The following PDE8B variants were observed in gnomAD, a reference collection of about 807,000 sequenced individuals.
PDE8B encodes the protein phosphodiesterase 8B.
In PDE8B, 26 loss-of-function variants were observed where a neutral mutation model predicts 101.3. The ratio of observed to expected loss-of-function variants is 0.26; its 90% CI spans 0.19 to 0.36. The LOEUF is 0.36. Ranked by LOEUF, PDE8B falls within the 10% of genes least tolerant of loss-of-function variation. The probability of loss-of-function intolerance (pLI) is 1.00; values close to 1 mark genes in which losing one functional copy is unlikely to be tolerated. For missense variants in PDE8B, 810 were observed against 1,163.1 expected (o/e 0.70, Z 4.42); for synonymous variants, 424 against 429.3 (o/e 0.99, Z 0.15).
chr5:77,215,598 C>T (rs753216178), intron 1 of PDE8B, among the ~76,000 whole-genome samples: 11 of 152,204 alleles, frequency 7.2e-5, no homozygotes, highest in Non-Finnish European at 1.3e-4. Context: ...AAGCTGCCAG[C>T]TGTTCAGAGA....
At chr5:77,348,294 A>G (rs1157877869) in intron 7 of PDE8B, among the ~76,000 whole-genome samples, 1 of 152,144 alleles carries the variant, frequency 6.6e-6, no homozygotes, top group Non-Finnish European at 1.5e-5. Flanking sequence ...CATTTTCCCG[A>G]CATTCTTCAC....
At chr5:77,158,336 G>A in the PDE8B span, among the ~76,000 whole-genome samples, 2 of 152,284 alleles carry the variant, frequency 1.3e-5, no homozygotes, top group East Asian at 1.9e-4. Context: ...GCAGAATGTC[G>A]ACTGCCAGTA....
chr5:77,117,586 G>C, the PDE8B span, among the ~76,000 whole-genome samples: 5 of 152,280 alleles, frequency 3.3e-5, no homozygotes, highest in South Asian at 6.2e-4. Context: ...AATCTTTTGT[G>C]TGTTGGCAGG....
intron 10 of PDE8B, among the ~76,000 whole-genome samples, chr5:77,366,588 C>A (rs1264795723): frequency 6.6e-6 from 1 of 152,114 alleles, no homozygotes; most frequent in African/African-American, 2.4e-5. Context: ...GCCTAAGAAC[C>A]TTGGCGCCTA....
rs745565949 is a variant in PDE8B at position 77,211,189 on chromosome 5, C to T, written c.264C>T (p.Thr88=). The T allele has an allele frequency of 1.9e-6, 3 of 1,555,032 alleles. No homozygotes were observed. The South Asian group carries it at 3.5e-5, about 18-fold the overall frequency. ...SSAGSAAPAA[T]TSRGRRRHCC... is the part of the protein sequence containing the mutation. ...CGGGTTCCGCAGCCCCCGCCGCGAC[C>T]ACCAGCAGGGGCCGGAGGCGCCACT... is the stretch of plus-strand genomic sequence containing the variant. The change falls in exon 1 of 22, where the codon ACC becomes ACT. Residue 88 remains threonine, a synonymous_variant. Transcript: ENST00000264917. The surrounding 1 kb of genome is among the most constrained non-coding windows in gnomAD (Gnocchi z 4.1).
intron 8 of PDE8B, among the ~76,000 whole-genome samples, chr5:77,350,120 C>A (rs1009090926): frequency 3.9e-5 from 6 of 152,182 alleles, no homozygotes; most frequent in African/African-American, 1.4e-4. Flanking sequence ...AGAGCACTGC[C>A]TCTCATCGCT....
At chr5:77,111,691 G>C in the PDE8B span, among the ~76,000 whole-genome samples, 1 of 152,200 alleles carries the variant, frequency 6.6e-6, no homozygotes, top group Non-Finnish European at 1.5e-5. Context: ...CCTGTTTTTA[G>C]ATGATGATTG....
At chr5:77,219,319 A>T (rs754628654) in intron 1 of PDE8B, among the ~76,000 whole-genome samples, 1 of 152,152 alleles carries the variant, frequency 6.6e-6, no homozygotes, top group African/African-American at 2.4e-5. Flanking sequence ...GTTTTCTCTC[A>T]AATAGGAAGA....
At chr5:77,091,330 A>G in the PDE8B span, among the ~76,000 whole-genome samples, 1 of 152,238 alleles carries the variant, frequency 6.6e-6, no homozygotes, top group Non-Finnish European at 1.5e-5. Flanking sequence ...CAATAAAAAA[A>G]TGAAAAAGAA....
the PDE8B span, chr5:77,089,524 A>G: frequency 6.6e-6 from 1 of 152,202 alleles, no homozygotes; most frequent in Admixed American, 6.5e-5. Flanking sequence ...CCATGGAAAA[A>G]TTGTCTTCCA....
chr5:77,297,416 G>C (rs1235982525), intron 1 of PDE8B, among the ~76,000 whole-genome samples: 1 of 151,764 alleles, frequency 6.6e-6, no homozygotes, highest in Admixed American at 6.6e-5. Context: ...CATCTGGAAG[G>C]CCAGTCATTA....
At chr5:77,215,877 G>A (rs999099293) in intron 1 of PDE8B, among the ~76,000 whole-genome samples, 1 of 152,220 alleles carries the variant, frequency 6.6e-6, no homozygotes, top group Non-Finnish European at 1.5e-5. Flanking sequence ...AGGCAGGCAA[G>A]GGAAATCTAG....
At chr5:77,256,788 C>A (rs1403849025) in intron 1 of PDE8B, among the ~76,000 whole-genome samples, 1 of 152,078 alleles carries the variant, frequency 6.6e-6, no homozygotes, top group African/African-American at 2.4e-5. Flanking sequence ...CCAACTATTA[C>A]ATTTTAGGAA....
the PDE8B span, among the ~76,000 whole-genome samples, chr5:77,175,058 T>A: frequency 2.0e-5 from 3 of 152,152 alleles, no homozygotes; most frequent in Non-Finnish European, 4.4e-5. Flanking sequence ...GGTTATCTTG[T>A]TTTTTTCCTT....
the PDE8B span, among the ~76,000 whole-genome samples, chr5:77,155,751 T>G: frequency 6.6e-6 from 1 of 152,194 alleles, no homozygotes; most frequent in African/African-American, 2.4e-5. Context: ...TAGCAATAAA[T>G]CAGAACGAAG....
chr5:77,202,367 G>T, the PDE8B span, among the ~76,000 whole-genome samples: 1 of 152,146 alleles, frequency 6.6e-6, no homozygotes, highest in Non-Finnish European at 1.5e-5. Flanking sequence ...TGCAATCCCT[G>T]AAACAGCAAG....
At chr5:77,378,008 CT>C (rs1786525499) in intron 10 of PDE8B, among the ~76,000 whole-genome samples, 6 of 93,710 alleles carry the variant, frequency 6.4e-5, no homozygotes, top group African/African-American at 2.4e-4. Context: ...CCCTCTCTCT[CT>C]ACACACACAC....
intron 7 of PDE8B, among the ~76,000 whole-genome samples, chr5:77,347,085 C>T (rs1780279113): frequency 6.6e-6 from 1 of 152,182 alleles, no homozygotes; most frequent in African/African-American, 2.4e-5. Context: ...ATTCCTCCCT[C>T]CTTTCCTTCC....
At chr5:77,111,072 C>T in the PDE8B span, among the ~76,000 whole-genome samples, 53 of 152,178 alleles carry the variant, frequency 3.5e-4, no homozygotes, top group African/African-American at 1.2e-3. Context: ...CAATGTTTTC[C>T]CCTAATGTCA....
Sources: gnomAD v4.1 joint callset for allele counts (sites outside exome capture counted in the v4.1 genomes callset) on GRCh38, gnomAD v4.1.1 for gene constraint, Gnocchi (gnomAD v3.1) non-coding constraint, MANE v1.5 for transcripts, NCBI Gene and HGNC (gene_info 2026-07-23, HGNC 2026-07-21) for gene names.